ARMC9: variants seen among roughly 807,000 people sequenced by gnomAD.
The protein encoded by ARMC9 is armadillo repeat containing 9.
ARMC9 carries 94 observed loss-of-function variants against 107.0 expected under a neutral mutation model. The observed-to-expected ratio is 0.88, with a 90% CI of 0.74 to 1.04. The LOEUF (loss-of-function observed/expected upper bound fraction) is 1.04. Among genes scored for constraint, ARMC9 ranks in the 50% least tolerant of loss-of-function variants. The probability of loss-of-function intolerance (pLI) is 0.00; values close to 1 mark genes in which losing one functional copy is unlikely to be tolerated. For missense variants in ARMC9, 942 were observed against 1,030.1 expected (o/e 0.91, Z 1.17); for synonymous variants, 380 against 396.9 (o/e 0.96, Z 0.51).
chr2:231,233,862 C>T (rs1322548442), intron 7 of ARMC9, among the ~76,000 whole-genome samples: 1 of 152,066 alleles, frequency 6.6e-6, no homozygotes, highest in Non-Finnish European at 1.5e-5. Context: ...GTAGTAATAG[C>T]CACCACTATA....
At chr2:231,228,017 C>T (rs1401481507) in intron 7 of ARMC9, among the ~76,000 whole-genome samples, 1 of 152,186 alleles carries the variant, frequency 6.6e-6, no homozygotes. Context: ...GGTTGCCCTA[C>T]CCCCAGTACA....
At chr2:231,219,536 C>T (rs1286410375) in intron 5 of ARMC9, among the ~76,000 whole-genome samples, 1 of 152,140 alleles carries the variant, frequency 6.6e-6, no homozygotes, top group Non-Finnish European at 1.5e-5. Flanking sequence ...AATTGCCGTT[C>T]CTTTGAAGGT....
chr2:231,268,825 G>T (rs1417853426), intron 12 of ARMC9, among the ~76,000 whole-genome samples: 1 of 152,062 alleles, frequency 6.6e-6, no homozygotes, highest in Non-Finnish European at 1.5e-5. Flanking sequence ...ACTTTGGGAG[G>T]CCAAGGCAGG....
intron 12 of ARMC9, among the ~76,000 whole-genome samples, chr2:231,264,404 C>T (rs2038664579): frequency 6.6e-6 from 1 of 152,120 alleles, no homozygotes; most frequent in Non-Finnish European, 1.5e-5. Flanking sequence ...GTCTCGAACT[C>T]CTGACCTCAA....
Position 231,216,513 on chromosome 2 carries a change from C to A in ARMC9, c.349-125C>A, listed in dbSNP as rs1175528519. ...TAGAATTCTAGAGACAATGCACCTGCCAGGTTAGATAGGGGATGCCAGCGA... is the reference window on the plus strand; with the variant it reads ...TAGAATTCTAGAGACAATGCACCTGACAGGTTAGATAGGGGATGCCAGCGA... On this transcript the variant is annotated intron_variant, in intron 4 of 24. Coordinates refer to ENST00000611582, the MANE Select transcript of ARMC9 (RefSeq NM_001352754.2). 1.4e-5 allele frequency: 15 copies of A among 1,070,986 alleles called. No homozygotes were observed. In the East Asian group the frequency reaches 3.6e-4, roughly 25 times the overall value. The allele number at this position is 1,070,986 out of a possible 1,614,324, so 66.3% of individuals were successfully genotyped here.
At chr2:231,237,773 ATATATATATTTTTTTTTTTTTTT>A (rs1302266516) in intron 8 of ARMC9, among the ~76,000 whole-genome samples, 2 of 42,120 alleles carry the variant, frequency 4.7e-5, no homozygotes, top group African/African-American at 1.6e-4. Flanking sequence ...ATATATATAT[ATATATATATTTTTTTTTTTTTTT>A]TTTTTTTTTT....
intron 20 of ARMC9, among the ~76,000 whole-genome samples, chr2:231,342,996 C>T (rs2044610042): frequency 6.6e-6 from 1 of 152,096 alleles, no homozygotes; most frequent in African/African-American, 2.4e-5. Context: ...TCACTGCAAC[C>T]TCCACCTCCC....
chr2:231,355,754 C>T lies in ARMC9; in HGVS notation c.1995-44C>T, dbSNP rs550947226. The T allele has an allele frequency of 3.1e-5, 46 of 1,505,446 alleles. No individual in the cohort carries two copies. The African/African-American group carries it at 5.0e-4, about 16-fold the overall frequency. The allele number at this position is 1,505,446 out of a possible 1,614,324, so 93.3% of individuals were successfully genotyped here. ...AGTCGGCAGTCGGCAGTCCGAATCT[C>T]CTGGCTGGCTGTACTCACTGCCGTT... On this transcript the variant is annotated intron_variant, in intron 21 of 24. Coordinates refer to ENST00000611582, the MANE Select transcript of ARMC9 (RefSeq NM_001352754.2).
rs979627250 is a variant in ARMC9 at position 231,375,842 on chromosome 2, C to T, written c.*4307C>T. On this transcript the variant is annotated 3_prime_UTR_variant, in exon 25 of 25. Coordinates refer to ENST00000611582, the MANE Select transcript of ARMC9 (RefSeq NM_001352754.2). This position sits in a 1 kb window ranked among gnomAD's most constrained non-coding sequence, Gnocchi z 4.3. ...GAAATAGGAAACTGGGGACAGAACC[C>T]GGGGGTGAGAAAGAAGACAGCAGGT... Among the ~76,000 whole-genome samples the T allele has an allele frequency of 5.3e-5, 8 of 151,984 alleles. No individual in the cohort carries two copies. Among genetic ancestry groups the T allele is most frequent in the East Asian group, 3.9e-4 (2 of 5,190 alleles).
At chr2:231,318,753 G>T (rs555195879) in intron 19 of ARMC9, among the ~76,000 whole-genome samples, 1 of 152,168 alleles carries the variant, frequency 6.6e-6, no homozygotes, top group South Asian at 2.1e-4. Flanking sequence ...TTTAGTAAAC[G>T]TATCACATTT....
At chr2:231,302,433 GTTTGTTT>G (rs2041795334) in intron 19 of ARMC9, among the ~76,000 whole-genome samples, 1 of 96,394 alleles carries the variant, frequency 1.0e-5, no homozygotes, top group African/African-American at 3.8e-5. Flanking sequence ...AGCATTGTGG[GTTTGTTT>G]TTTTTTTTTT....
At chr2:231,213,454 G>A (rs1356598414) in intron 3 of ARMC9, among the ~76,000 whole-genome samples, 3 of 146,288 alleles carry the variant, frequency 2.1e-5, no homozygotes, top group Non-Finnish European at 4.5e-5. Flanking sequence ...GAGCTACCAC[G>A]CCCGGCCATG....
chr2:231,275,631 A>T (rs1574909277), intron 14 of ARMC9, among the ~76,000 whole-genome samples: 1 of 152,306 alleles, frequency 6.6e-6, no homozygotes, highest in Middle Eastern at 3.4e-3. Context: ...CAGAGTGCCT[A>T]GAGCTGGATT....
chr2:231,332,839 C>T (rs1323019173), intron 20 of ARMC9, among the ~76,000 whole-genome samples: 3 of 152,248 alleles, frequency 2.0e-5, no homozygotes, highest in Non-Finnish European at 4.4e-5. Flanking sequence ...AAAAGAGGCT[C>T]CTAGAACTTT....
At chr2:231,291,533 G>A in intron 18 of ARMC9, 90 bp downstream of exon 18, 9 of 1,342,206 alleles carry the variant, frequency 6.7e-6, no homozygotes, top group Non-Finnish European at 9.4e-6. Flanking sequence ...GAGGCCTTTA[G>A]GAAGCCGGGC....
In ARMC9 at chr2:231,263,855, G is replaced by A. The variant is rs142887758; in HGVS notation, c.1119+1457G>A. 5.4e-3 allele frequency among the ~76,000 whole-genome samples: 826 copies of A among 152,278 alleles called. 10 individuals are homozygous for A. Among genetic ancestry groups the A allele is most frequent in the African/African-American group, 0.018 (743 of 41,572 alleles). On this transcript the variant is annotated intron_variant, in intron 12 of 24. Coordinates refer to ENST00000611582, the MANE Select transcript of ARMC9 (RefSeq NM_001352754.2). The stretch of plus-strand genomic sequence containing the variant: ...ACAAGGCATGAAGCAGCTGAATAAT[G>A]TATTGTTATAACTTCCAAACTCAAA...
intron 10 of ARMC9, among the ~76,000 whole-genome samples, chr2:231,257,229 CCA>C (rs1486746271): frequency 6.6e-6 from 1 of 152,236 alleles, no homozygotes; most frequent in Non-Finnish European, 1.5e-5. Context: ...ATAGTGCAAT[CCA>C]CAGAGTGTTG....
chr2:231,373,539 A>G lies in ARMC9; in HGVS notation c.*2004A>G, dbSNP rs928311822. 2 of 152,144 alleles carry G rather than the reference A, an allele frequency of 1.3e-5. No individual in the cohort carries two copies. Among genetic ancestry groups the G allele is most frequent in the Non-Finnish European group, 2.9e-5 (2 of 68,036 alleles). 9.4% of individuals were successfully genotyped at this position (152,144 alleles called of 1,614,324 possible). Reference sequence around the variant, plus strand: ...CTAAAGTCTGATCTGTAGATGTCTGATGGTTTGAGGAGAAGAAAAGATAGT... The same window carrying G: ...CTAAAGTCTGATCTGTAGATGTCTGGTGGTTTGAGGAGAAGAAAAGATAGT... On this transcript the variant is annotated 3_prime_UTR_variant, in exon 25 of 25. Coordinates refer to ENST00000611582, the MANE Select transcript of ARMC9 (RefSeq NM_001352754.2). The surrounding 1 kb of genome is among the most constrained non-coding windows in gnomAD (Gnocchi z 4.4).
At chr2:231,222,155 G>A (rs980759633) in intron 5 of ARMC9, among the ~76,000 whole-genome samples, 2 of 152,108 alleles carry the variant, frequency 1.3e-5, no homozygotes, top group Non-Finnish European at 2.9e-5. Context: ...TCTTATTTAA[G>A]TCATTAATTT....
Sources: allele counts gnomAD v4.1 joint callset (sites outside exome capture counted in the v4.1 genomes callset), GRCh38; gene constraint gnomAD v4.1.1; non-coding constraint Gnocchi (gnomAD v3.1); transcripts MANE v1.5; gene names NCBI Gene and HGNC (gene_info 2026-07-23, HGNC 2026-07-21).